COPG1: variants seen among roughly 807,000 people sequenced by gnomAD.
COPG1 encodes coatomer subunit gamma-1.
In COPG1, 29 loss-of-function variants were observed where a neutral mutation model predicts 102.8. The ratio of observed to expected loss-of-function variants is 0.28; its 90% confidence interval spans 0.21 to 0.38. The LOEUF is 0.38. Among genes scored for constraint, COPG1 ranks in the 10% least tolerant of loss-of-function variants. The pLI, the probability that COPG1 is intolerant of heterozygous loss-of-function variation, is 1.00. For missense variants in COPG1, 875 were observed against 1,132.7 expected (o/e 0.77, Z 3.27); for synonymous variants, 406 against 421.6 (o/e 0.96, Z 0.45).
In COPG1 at chr3:129,277,605, T is replaced by A; in HGVS notation, c.*181T>A. 1.9e-6 allele frequency: 1 copy of A among 513,320 alleles called. No homozygotes were observed. Among genetic ancestry groups the A allele is most frequent in the East Asian group, 3.4e-5 (1 of 29,370 alleles). The allele number at this position is 513,320 out of a possible 1,614,324, so 31.8% of individuals were successfully genotyped here. A position where few individuals can be genotyped will look rare whatever the true frequency, so the allele number is the denominator to read the frequency against. ...CCCGGGACTACTTGCTGGTGACTTT[T>A]TTTTTTTTTTTTTTTAAATAGGGGA... On this transcript the variant is annotated 3_prime_UTR_variant, in exon 24 of 24. Coordinates refer to ENST00000314797, the MANE Select transcript of COPG1 (RefSeq NM_016128.4).
At chr3:129,260,138 G>A (rs1939894882) in intron 10 of COPG1, 195 bp from the exon 11 acceptor site, 1 of 605,210 alleles carries the variant, frequency 1.7e-6, no homozygotes, top group South Asian at 1.9e-5. Flanking sequence ...GAACCCCTGG[G>A]TGCTCACAGA....
At chr3:129,260,462 C>T (rs1172101389) in intron 11 of COPG1, 62 bp downstream of exon 11, 3 of 1,562,352 alleles carry the variant, frequency 1.9e-6, no homozygotes, top group African/African-American at 1.4e-5. Context: ...GTGTCCTAGC[C>T]TCTGACCTGG....
chr3:129,276,762 G>A (rs1238212429), intron 23 of COPG1, among the ~76,000 whole-genome samples: 1 of 151,256 alleles, frequency 6.6e-6, no homozygotes, highest in Non-Finnish European at 1.5e-5. Context: ...CTGAAATATG[G>A]TATTATCATC....
chr3:129,257,433 A>C, intron 8 of COPG1, 37 bp from the exon 9 acceptor site: 1 of 1,609,108 alleles, frequency 6.2e-7, no homozygotes, highest in Non-Finnish European at 8.5e-7. Flanking sequence ...CCCAAAAGTC[A>C]TACATTTGTA....
rs772336928 is a variant in COPG1, at chr3:129,265,812, G to A, written c.1468+20G>A. On this transcript the variant is annotated intron_variant, in intron 14 of 23. Transcript: ENST00000314797. ...GGGCAGGTAGGTCTGAGCCAGGGCT[G>A]AACTTGGAAACTTAGCTTACCCTTG... 1 of 1,608,960 alleles carries A rather than the reference G, an allele frequency of 6.2e-7. No homozygotes were observed. The highest frequency in any genetic ancestry group is 1.7e-5 in the Admixed American group (1 of 59,698).
In COPG1 at chr3:129,250,725, A is replaced by G; in HGVS notation, c.81A>G (p.Val27=). The change falls in exon 2 of 24, where the codon GTA becomes GTG. Residue 27 remains valine (V), a synonymous_variant. Transcript: ENST00000314797. ...NPFQHLEKSA[V]LQEARVFNET... Reference sequence around the variant, plus strand: ...TCCAGCACCTTGAGAAGAGTGCGGTACTCCAGGAGGCAAGTGACATTTGCT... The same window carrying G: ...TCCAGCACCTTGAGAAGAGTGCGGTGCTCCAGGAGGCAAGTGACATTTGCT... The G allele has an allele frequency of 3.1e-6, 5 of 1,613,802 alleles. No homozygotes were observed. The highest frequency in any genetic ancestry group is 4.2e-6 in the Non-Finnish European group (5 of 1,179,876).
intron 21 of COPG1, chr3:129,274,198 AGAG>A (rs1355292820): frequency 4.7e-6 from 2 of 428,162 alleles, no homozygotes; most frequent in Admixed American, 2.8e-5. Context: ...AAAAAAAAAA[AGAG>A]AGAGAGAGCT....
intron 2 of COPG1, 175 bp downstream of exon 2, chr3:129,250,909 C>CT: frequency 1.7e-4 from 37 of 220,446 alleles, no homozygotes; most frequent in Admixed American, 2.6e-4. Context: ...GTTATGCTTA[C>CT]TTCTTTTTTT....
chr3:129,268,656 C>T (rs1273839800), intron 17 of COPG1, 36 bp downstream of exon 17: 1 of 1,609,270 alleles, frequency 6.2e-7, no homozygotes, highest in East Asian at 2.2e-5. Flanking sequence ...CCATCAAGGC[C>T]AGGCCTCTGT....
chr3:129,270,039 A>AG (rs1940154929), intron 18 of COPG1, among the ~76,000 whole-genome samples: 1 of 141,618 alleles, frequency 7.1e-6, no homozygotes, highest in Admixed American at 6.9e-5. Flanking sequence ...TGAAGAGGCC[A>AG]CACTCCTGGC....
rs371307852 is a variant in COPG1 at position 129,260,283 on chromosome 3, G to C, written c.872-50G>C. ...AGAACAGTAGCCCCCGGTTTTCCCA[G>C]CTGCCCAGCAGTGAAGGCAACCTGA... On this transcript the variant is annotated intron_variant, in intron 10 of 23. Coordinates refer to ENST00000314797, the MANE Select transcript of COPG1 (RefSeq NM_016128.4). The C allele has an allele frequency of 1.4e-5, 22 of 1,561,466 alleles. No individual in the cohort carries two copies. The African/African-American group carries it at 2.2e-4, about 15-fold the overall frequency.
chr3:129,274,793 G>A (rs1372903948), intron 21 of COPG1, 45 bp from the exon 22 acceptor site: 13 of 1,608,834 alleles, frequency 8.1e-6, no homozygotes, highest in Middle Eastern at 1.8e-4. Flanking sequence ...GCAGAGGCCC[G>A]TAGGTGTGTA....
rs770999835 is a variant in COPG1, at chr3:129,271,793, C to T, written c.1870C>T (p.Arg624Cys). 1.3e-4 allele frequency: 217 copies of T among 1,614,068 alleles called. No individual in the cohort carries two copies. Among genetic ancestry groups the T allele is most frequent in the Admixed American group, 1.7e-4 (10 of 59,996 alleles). Residue 624 changes from arginine (R) to cysteine (C), a missense_variant, in exon 19 of 24, where the codon CGC (arginine) becomes TGC (cysteine). By Grantham distance (180) the Arg-to-Cys change is radical (BLOSUM62 -3). Coordinates refer to ENST00000314797, the MANE Select transcript of COPG1 (RefSeq NM_016128.4). This position sits in a 1 kb window ranked among gnomAD's most constrained non-coding sequence, Gnocchi z 4.7. Reference protein sequence around the residue: ...QEQLAAVPEFRGLGPLFKSSP... With the variant: ...QEQLAAVPEFCGLGPLFKSSP... ...GCAGTTGGCAGCAGTGCCAGAGTTCCGCGGTCTTGGGCCCCTCTTCAAGTC... is the reference window on the plus strand; with the variant it reads ...GCAGTTGGCAGCAGTGCCAGAGTTCTGCGGTCTTGGGCCCCTCTTCAAGTC...
chr3:129,268,512 C>T lies in COPG1; in HGVS notation c.1666C>T (p.Pro556Ser). 2 of 1,614,192 alleles carry T rather than the reference C, an allele frequency of 1.2e-6. No homozygotes were observed. The highest frequency in any genetic ancestry group is 1.7e-6 in the Non-Finnish European group (2 of 1,180,014). Residue 556 changes from proline (P) to serine (S), a missense_variant, in exon 17 of 24, where the codon CCT becomes TCT. By Grantham distance (74) the Pro-to-Ser change is moderately conservative. Transcript: ENST00000314797. ...YILNGLTVSI[P>S]GLERALQQYT... ...ACCTCCAGGTCTGACTGTGTCCATCCCTGGTCTGGAGAGGGCTCTGCAGCA... is the reference window on the plus strand; with the variant it reads ...ACCTCCAGGTCTGACTGTGTCCATCTCTGGTCTGGAGAGGGCTCTGCAGCA...
In COPG1 at chr3:129,272,877, T is replaced by A; in HGVS notation, c.2229T>A (p.Asp743Glu). The change falls in exon 21 of 24, where the codon GAT (aspartate) becomes GAA (glutamate). Residue 743 changes from aspartate (D) to glutamate (E), a missense_variant. By Grantham distance (45) the Asp-to-Glu change is conservative. Coordinates refer to ENST00000314797, the MANE Select transcript of COPG1 (RefSeq NM_016128.4). ...KDCDPTTGET[D>E]DEGYEDEYVL... is the part of the protein sequence containing the mutation. The stretch of plus-strand genomic sequence containing the variant: ...GTGATCCCACCACTGGGGAGACTGA[T>A]GACGAAGGCTATGAGGATGAGTATG... 6.2e-7 allele frequency: 1 copy of A among 1,611,140 alleles called. No individual in the cohort carries two copies. Among genetic ancestry groups the A allele is most frequent in the Non-Finnish European group, 8.5e-7 (1 of 1,177,418 alleles).
In COPG1 at chr3:129,270,122, A is replaced by G. The variant is rs186980412; in HGVS notation, c.1843+1122A>G. On this transcript the variant is annotated intron_variant, in intron 18 of 23. Coordinates refer to ENST00000314797, the MANE Select transcript of COPG1 (RefSeq NM_016128.4). ...TGATTACACTGGCCCCCCCTGGATA[A>G]TCCAGGATAACCCCTAGCTCAAGAT... 2.0e-5 allele frequency among the ~76,000 whole-genome samples: 3 copies of G among 150,270 alleles called. No homozygotes were observed. The East Asian group carries it at 6.1e-4, about 30-fold the overall frequency.
Position 129,272,231 on chromosome 3 carries a change from C to CGAA in COPG1, c.1987-13_1987-12insGAA. The CGAA allele has an allele frequency of 6.2e-7, 1 of 1,612,774 alleles. No homozygotes were observed. The highest frequency in any genetic ancestry group is 2.2e-5 in the East Asian group (1 of 44,868). On this transcript the variant is annotated splice_polypyrimidine_tract_variant and intron_variant, in intron 19 of 23. Transcript: ENST00000314797. The stretch of plus-strand genomic sequence containing the variant: ...TAGTGCAATGTTTAAGCTCCCCTCT[C>CGAA]TTTCCTGTTCAGTTTGACTGCACAA...
chr3:129,274,024 C>T (rs1445256129), intron 21 of COPG1: 1 of 456,024 alleles, frequency 2.2e-6, no homozygotes, highest in Non-Finnish European at 4.4e-6. Context: ...GGGACAGTCA[C>T]AGTGGAATAC....
At chr3:129,259,602 T>C (rs1236469085) in intron 10 of COPG1, among the ~76,000 whole-genome samples, 2 of 152,026 alleles carry the variant, frequency 1.3e-5, no homozygotes, top group Non-Finnish European at 2.9e-5. Context: ...AAAATAAGCA[T>C]TAAGAAAAAT....
Sources: gnomAD v4.1 joint callset for allele counts (sites outside exome capture counted in the v4.1 genomes callset) on GRCh38, gnomAD v4.1.1 for gene constraint, Gnocchi (gnomAD v3.1) non-coding constraint, MANE v1.5 for transcripts, NCBI Gene and HGNC (gene_info 2026-07-23, HGNC 2026-07-21) for gene names.